Variants in WDFY1 observed in about 807,000 individuals in gnomAD.
WDFY1 encodes WD repeat and FYVE domain-containing protein 1.
A neutral mutation model predicts 56.4 loss-of-function variants in WDFY1; 32 were observed. That is an observed-to-expected ratio of 0.57 (90% CI 0.43 to 0.76). The LOEUF is 0.76. WDFY1 is among the 30% of genes least tolerant of loss of function. The pLI is 0.00. For missense variants in WDFY1, 480 were observed against 545.7 expected (o/e 0.88, Z 1.20); for synonymous variants, 192 against 197.3 (o/e 0.97, Z 0.23).
Position 223,905,940 on chromosome 2 carries a change from T to A in WDFY1, c.334+7A>T, listed in dbSNP as rs758903916. 1 of 1,559,432 alleles carries A rather than the reference T, an allele frequency of 6.4e-7. No individual in the cohort carries two copies. The highest frequency in any genetic ancestry group is 1.2e-5 in the South Asian group (1 of 82,896). ...TGTGTACGCAAGATAATGTGTATTA[T>A]AATTACCTGGGTAGGTCTTGATAAA... On this transcript the variant is annotated splice_region_variant and intron_variant, in intron 4 of 11. Coordinates refer to ENST00000233055, the MANE Select transcript of WDFY1 (RefSeq NM_020830.5).
rs1693350336 is a variant in WDFY1 at position 223,895,518 on chromosome 2, T to C, written c.711A>G (p.Leu237=). ...TGGTCACGCACTGATGGCCCTGAAG[T>C]AACAGCGTCCGGCCTTTCCTTCCTC... ...DIGGRKGRTL[L]LQGHHDKVQS... Residue 237 remains leucine, a synonymous_variant, in exon 7 of 12, where the codon TTA becomes TTG. Transcript: ENST00000233055. 1 of 1,613,826 alleles carries C rather than the reference T, an allele frequency of 6.2e-7. No individual in the cohort carries two copies. Among genetic ancestry groups the C allele is most frequent in the African/African-American group, 1.3e-5 (1 of 74,898 alleles).
chr2:223,933,790 C>CCA (rs1553538320), intron 1 of WDFY1, among the ~76,000 whole-genome samples: 2 of 97,538 alleles, frequency 2.1e-5, no homozygotes, highest in African/African-American at 6.8e-5. Context: ...GACCCCCCCC[C>CCA]ATCTCTACAA....
intron 8 of WDFY1, among the ~76,000 whole-genome samples, chr2:223,886,729 TAA>T (rs34317110): frequency 1.0e-5 from 1 of 95,624 alleles, no homozygotes. Flanking sequence ...AAACTCCGTC[TAA>T]AAAAAAAAAA....
chr2:223,902,451 G>C (rs1306057552), intron 4 of WDFY1, among the ~76,000 whole-genome samples: 1 of 152,170 alleles, frequency 6.6e-6, no homozygotes, highest in African/African-American at 2.4e-5. Flanking sequence ...TGGAGTCCTA[G>C]CTACTCAGCA....
At chr2:223,904,098 T>C (rs1260514901) in intron 4 of WDFY1, among the ~76,000 whole-genome samples, 1 of 152,202 alleles carries the variant, frequency 6.6e-6, no homozygotes, top group Non-Finnish European at 1.5e-5. Context: ...GAATTCAAAG[T>C]TGCTTCTGGT....
rs1206883616 is a variant in WDFY1, at chr2:223,903,640, C to CAG, written c.334+2306_334+2307insCT. ...AAGATGAAAAATACACACACACACA[C>CAG]GTTTTTTGTTTTTTTTTTTTTAAAA... On this transcript the variant is annotated intron_variant, in intron 4 of 11. Coordinates refer to ENST00000233055, the MANE Select transcript of WDFY1 (RefSeq NM_020830.5). 6.2e-5 allele frequency among the ~76,000 whole-genome samples: 4 copies of CAG among 64,296 alleles called. No individual in the cohort carries two copies. The South Asian group carries it at 2.4e-3, about 38-fold the overall frequency. 42.2% of individuals were successfully genotyped at this position (64,296 alleles called of 152,430 possible).
intron 3 of WDFY1, among the ~76,000 whole-genome samples, chr2:223,909,974 A>G (rs1303454711): frequency 6.6e-6 from 1 of 152,176 alleles, no homozygotes; most frequent in African/African-American, 2.4e-5. Context: ...TTAAAGCTTT[A>G]CCCAGACCTA....
At chr2:223,926,376 C>T (rs1693978433) in intron 1 of WDFY1, among the ~76,000 whole-genome samples, 1 of 152,112 alleles carries the variant, frequency 6.6e-6, no homozygotes, top group African/African-American at 2.4e-5. Flanking sequence ...AGTGATCCTG[C>T]CACCTCAGCC....
chr2:223,909,750 T>C (rs987160038), intron 3 of WDFY1, among the ~76,000 whole-genome samples: 4 of 152,166 alleles, frequency 2.6e-5, no homozygotes, highest in African/African-American at 7.2e-5. Context: ...CCAAGACTTA[T>C]CTCAACTCAA....
intron 3 of WDFY1, among the ~76,000 whole-genome samples, chr2:223,909,734 A>G (rs1169208530): frequency 6.6e-6 from 1 of 152,020 alleles, no homozygotes; most frequent in African/African-American, 2.4e-5. Context: ...CTTATCTCAG[A>G]TGTCTCCAAG....
At chr2:223,887,656 TTAAG>T (rs1332808856) in intron 8 of WDFY1, among the ~76,000 whole-genome samples, 2 of 152,224 alleles carry the variant, frequency 1.3e-5, no homozygotes, top group African/African-American at 4.8e-5. Context: ...ACAGTGTCTA[TTAAG>T]TATTACTTAA....
rs13429714 is a variant in WDFY1 at position 223,930,113 on chromosome 2, G to A, written c.138-12103C>T. ...TTGGTTCAAAGAAATACTGACCTCT[G>A]TGCTAAATACGAGTGGTGATTCCAA... On this transcript the variant is annotated intron_variant, in intron 1 of 11. Coordinates refer to ENST00000233055, the MANE Select transcript of WDFY1 (RefSeq NM_020830.5). Among the ~76,000 whole-genome samples the A allele has an allele frequency of 5.7e-3, 871 of 152,262 alleles. 8 individuals are homozygous for A. Among genetic ancestry groups the A allele is most frequent in the Middle Eastern group, 0.02 (6 of 294 alleles).
chr2:223,918,091 ATTTG>A, intron 1 of WDFY1, 81 bp from the exon 2 acceptor site: 1 of 1,486,832 alleles, frequency 6.7e-7, no homozygotes, highest in Non-Finnish European at 9.2e-7. Flanking sequence ...AATTTTTAAA[ATTTG>A]TTTAACACTA....
intron 8 of WDFY1, among the ~76,000 whole-genome samples, chr2:223,890,373 G>A (rs919027094): frequency 6.6e-5 from 10 of 152,160 alleles, no homozygotes; most frequent in Non-Finnish European, 5.9e-5. Context: ...TCAGGTGACC[G>A]AGGCACGAGA....
chr2:223,945,015 G>A (rs1463220909), intron 1 of WDFY1, 133 bp downstream of exon 1: 2 of 1,060,508 alleles, frequency 1.9e-6, no homozygotes, highest in Admixed American at 3.5e-5. Context: ...GGAGCTAAGG[G>A]GCGCAGAGTG....
intron 1 of WDFY1, among the ~76,000 whole-genome samples, chr2:223,943,121 C>T (rs896913847): frequency 1.3e-5 from 2 of 149,944 alleles, no homozygotes; most frequent in East Asian, 4.0e-4. Flanking sequence ...GCGGAGGTTG[C>T]AGTGAGCCAA....
intron 1 of WDFY1, among the ~76,000 whole-genome samples, chr2:223,928,506 G>C (rs963828014): frequency 6.6e-6 from 1 of 152,106 alleles, no homozygotes; most frequent in African/African-American, 2.4e-5. Flanking sequence ...CCTGCTGACC[G>C]ACCTCCCCAG....
At chr2:223,940,991 T>A (rs1287883304) in intron 1 of WDFY1, among the ~76,000 whole-genome samples, 2 of 152,132 alleles carry the variant, frequency 1.3e-5, no homozygotes, top group Non-Finnish European at 2.9e-5. Context: ...CCCAGCTAAT[T>A]TTGTATTTTT....
chr2:223,921,208 T>C (rs773723517), intron 1 of WDFY1, among the ~76,000 whole-genome samples: 8 of 152,224 alleles, frequency 5.3e-5, no homozygotes, highest in Non-Finnish European at 8.8e-5. Flanking sequence ...GTAAAACTAG[T>C]AGTTGGTCTT....
Sources: allele counts gnomAD v4.1 joint callset (sites outside exome capture counted in the v4.1 genomes callset), GRCh38; gene constraint gnomAD v4.1.1; transcripts MANE v1.5; gene names NCBI Gene and HGNC (gene_info 2026-07-23, HGNC 2026-07-21).